GRIA1: variants seen among roughly 807,000 people sequenced by gnomAD.
GRIA1 encodes glutamate receptor 1.
In GRIA1, 31 loss-of-function variants were observed where a neutral mutation model predicts 99.2. The observed-to-expected ratio is 0.31, with a 90% CI of 0.23 to 0.42. The LOEUF is 0.42. Among genes scored for constraint, GRIA1 ranks in the 10% least tolerant of loss-of-function variants. GRIA1 has a pLI of 1.00. For missense variants in GRIA1, 782 were observed against 1,157.5 expected (o/e 0.68, Z 4.71); for synonymous variants, 438 against 432.4 (o/e 1.01, Z -0.16).
chr5:153,518,601 ATAATGTATATTAT>A (rs1280338245), intron 2 of GRIA1, among the ~76,000 whole-genome samples: 1 of 152,234 alleles, frequency 6.6e-6, no homozygotes, highest in Non-Finnish European at 1.5e-5. Flanking sequence ...TAAAAGTATG[ATAATGTATATTAT>A]TAATCATGTG....
At chr5:153,637,139 T>C (rs991195105) in intron 2 of GRIA1, among the ~76,000 whole-genome samples, 1 of 152,284 alleles carries the variant, frequency 6.6e-6, no homozygotes, top group African/African-American at 2.4e-5. Flanking sequence ...GTGATATAAA[T>C]ACAATAATAA....
At chr5:153,702,977 A>T (rs768879703) in intron 10 of GRIA1, among the ~76,000 whole-genome samples, 7 of 152,224 alleles carry the variant, frequency 4.6e-5, no homozygotes, top group Non-Finnish European at 1.0e-4. Context: ...AGCCAGTTGC[A>T]GAGAAGAGCA....
At chr5:153,725,737 A>C (rs1363046186) in intron 11 of GRIA1, among the ~76,000 whole-genome samples, 1 of 115,964 alleles carries the variant, frequency 8.6e-6, no homozygotes, top group Non-Finnish European at 1.7e-5. Context: ...CAGTTTCATA[A>C]AGCAAGTCCT....
intron 2 of GRIA1, among the ~76,000 whole-genome samples, chr5:153,636,721 A>G (rs961317600): frequency 7.9e-5 from 12 of 152,246 alleles, no homozygotes; most frequent in Non-Finnish European, 5.9e-5. Flanking sequence ...TTTTCTCTCT[A>G]TGAAATAAAA....
Position 153,802,397 on chromosome 5 carries a change from G to A in GRIA1, c.2427G>A (p.Val809=). The A allele has an allele frequency of 6.2e-7, 1 of 1,613,766 alleles. No homozygotes were observed. Residue 809 remains valine, a synonymous_variant, in exon 15 of 16, where the codon GTG becomes GTA. Transcript: ENST00000285900. ...SALSLSNVAG[V]FYILIGGLGL... ...TGAGCCTCAGCAATGTGGCAGGCGT[G>A]TTCTACATCCTGATCGGAGGACTTG...
chr5:153,639,654 A>T (rs994733438), intron 2 of GRIA1, among the ~76,000 whole-genome samples: 2 of 151,814 alleles, frequency 1.3e-5, no homozygotes, highest in African/African-American at 4.8e-5. Flanking sequence ...GGCCTTGTTT[A>T]TTCACATGTC....
At chr5:153,680,802 A>G (rs1756921539) in intron 7 of GRIA1, among the ~76,000 whole-genome samples, 1 of 152,190 alleles carries the variant, frequency 6.6e-6, no homozygotes, top group Non-Finnish European at 1.5e-5. Context: ...GCAGAATGCC[A>G]TCACTGAGGA....
At chr5:153,678,322 C>G (rs968144876) in intron 7 of GRIA1, among the ~76,000 whole-genome samples, 2 of 152,210 alleles carry the variant, frequency 1.3e-5, no homozygotes, top group Non-Finnish European at 2.9e-5. Context: ...AGGAACCTCA[C>G]CAGCTGTTCC....
chr5:153,492,181 A>G, intron 1 of GRIA1: 2 of 1,522,322 alleles, frequency 1.3e-6, no homozygotes, highest in Non-Finnish European at 1.8e-6. Flanking sequence ...GGTGCAATTG[A>G]TATTTTGTCG....
intron 2 of GRIA1, among the ~76,000 whole-genome samples, chr5:153,643,367 C>T (rs969529179): frequency 2.6e-5 from 4 of 152,288 alleles, no homozygotes; most frequent in Middle Eastern, 3.4e-3. Context: ...AAAAGAGAAT[C>T]GTCCAGGTCT....
rs1766878639 is a variant in GRIA1 at position 153,812,425 on chromosome 5, A to T, written c.*1200A>T. 1 of 152,228 alleles carries T rather than the reference A, an allele frequency of 6.6e-6. No homozygotes were observed. The highest frequency in any genetic ancestry group is 1.5e-5 in the Non-Finnish European group (1 of 68,046). 9.4% of individuals were successfully genotyped at this position (152,228 alleles called of 1,614,324 possible). Reference sequence around the variant, plus strand: ...GTATGAAGTTTATGCTGATGCAAAGAACTTGGGTTTTTATGTTAATATAAA... The same window carrying T: ...GTATGAAGTTTATGCTGATGCAAAGTACTTGGGTTTTTATGTTAATATAAA... On this transcript the variant is annotated 3_prime_UTR_variant, in exon 16 of 16. Transcript: ENST00000285900.
chr5:153,748,675 G>A (rs1442320753), intron 11 of GRIA1, among the ~76,000 whole-genome samples: 1 of 152,094 alleles, frequency 6.6e-6, no homozygotes, highest in African/African-American at 2.4e-5. Flanking sequence ...GGGATGATTG[G>A]ACTGGATGGG....
At chr5:153,718,016 G>A (rs1485723939) in intron 11 of GRIA1, among the ~76,000 whole-genome samples, 1 of 152,166 alleles carries the variant, frequency 6.6e-6, no homozygotes, top group African/African-American at 2.4e-5. Flanking sequence ...TTTGGTTCTG[G>A]CTATTGCAGA....
At chr5:153,703,648 G>A (rs919831853) in intron 10 of GRIA1, among the ~76,000 whole-genome samples, 2 of 152,166 alleles carry the variant, frequency 1.3e-5, no homozygotes, top group Non-Finnish European at 2.9e-5. Flanking sequence ...GCTGAGGCAT[G>A]AGCATTGCTT....
chr5:153,694,457 G>A (rs1362573406), intron 8 of GRIA1, among the ~76,000 whole-genome samples: 1 of 152,198 alleles, frequency 6.6e-6, no homozygotes, highest in Non-Finnish European at 1.5e-5. Flanking sequence ...TTGTAGTATA[G>A]AAACCTGTTA....
At chr5:153,566,529 C>T (rs1474913725) in intron 2 of GRIA1, among the ~76,000 whole-genome samples, 2 of 151,226 alleles carry the variant, frequency 1.3e-5, no homozygotes, top group Non-Finnish European at 2.9e-5. Context: ...TGGTCTCGAA[C>T]TCCTGACCTC....
chr5:153,577,534 T>C (rs1762673214), intron 2 of GRIA1, among the ~76,000 whole-genome samples: 1 of 152,122 alleles, frequency 6.6e-6, no homozygotes, highest in Non-Finnish European at 1.5e-5. Flanking sequence ...TTGAGAAAAA[T>C]AGAATCCTTG....
intron 7 of GRIA1, among the ~76,000 whole-genome samples, chr5:153,685,744 A>G (rs1757294649): frequency 6.6e-6 from 1 of 152,220 alleles, no homozygotes; most frequent in Admixed American, 6.5e-5. Flanking sequence ...TCTTAAAGGA[A>G]TTAAGAAGCC....
chr5:153,795,307 T>C (rs1765574497), intron 14 of GRIA1, among the ~76,000 whole-genome samples: 1 of 152,058 alleles, frequency 6.6e-6, no homozygotes, highest in South Asian at 2.1e-4. Flanking sequence ...GTGAGTGTGT[T>C]GGGCGGGCAG....
Sources: gnomAD v4.1 joint callset for allele counts (sites outside exome capture counted in the v4.1 genomes callset) on GRCh38, gnomAD v4.1.1 for gene constraint, MANE v1.5 for transcripts, NCBI Gene and HGNC (gene_info 2026-07-23, HGNC 2026-07-21) for gene names.